The following GREB1 variants were observed in gnomAD, a reference collection of about 807,000 sequenced individuals.
GREB1 encodes the protein protein GREB1.
GREB1 carries 106 observed loss-of-function variants against 200.7 expected under a neutral mutation model. That is an observed-to-expected ratio of 0.53 (90% confidence interval 0.45 to 0.62). The LOEUF is 0.62. Ranked by LOEUF, GREB1 falls within the 20% of genes least tolerant of loss-of-function variation. The pLI is 0.00. For missense variants in GREB1, 2,243 were observed against 2,556.8 expected (o/e 0.88, Z 2.65); for synonymous variants, 1,132 against 1,092.4 (o/e 1.04, Z -0.72).
intron 1 of GREB1, among the ~76,000 whole-genome samples, chr2:11,544,775 A>T (rs894949293): frequency 5.9e-5 from 9 of 151,928 alleles, no homozygotes; most frequent in African/African-American, 1.7e-4. Context: ...CACGCAGGAG[A>T]TGGGTCTGCA....
chr2:11,507,605 TTCTA>T (rs1390877238), intron 1 of GREB1, among the ~76,000 whole-genome samples: 1 of 152,172 alleles, frequency 6.6e-6, no homozygotes, highest in Non-Finnish European at 1.5e-5. Flanking sequence ...GCCCTTGCAG[TTCTA>T]TCAAATGGGT....
intron 14 of GREB1, 62 bp from the exon 15 acceptor site, chr2:11,598,618 T>C (rs1388150782): frequency 5.5e-6 from 8 of 1,455,736 alleles, no homozygotes; most frequent in African/African-American, 1.4e-5. Context: ...CAGGTGTCTG[T>C]TGAGTGAATG....
At position 11,612,483 on chromosome 2, in the gene GREB1, C is replaced by T. The variant is rs959861392; in HGVS notation, c.3007-12C>T. 69 of 1,585,212 alleles carry T rather than the reference C, an allele frequency of 4.4e-5. No individual in the cohort carries two copies. In the East Asian group the frequency reaches 8.1e-4, roughly 19 times the overall value. On this transcript the variant is annotated splice_polypyrimidine_tract_variant and intron_variant, in intron 18 of 32. Coordinates refer to ENST00000381486, the MANE Select transcript of GREB1 (RefSeq NM_014668.4). Reference sequence around the variant, plus strand: ...GGCGTCTGTGGCTTTATTTCTTTTTCGTTATCTGCAGATGTGGCAGAAAAT... The same window carrying T: ...GGCGTCTGTGGCTTTATTTCTTTTTTGTTATCTGCAGATGTGGCAGAAAAT...
intron 2 of GREB1, chr2:11,561,650 C>G (rs1453864110): frequency 6.6e-6 from 1 of 152,180 alleles, no homozygotes; most frequent in African/African-American, 2.4e-5. Context: ...CAGGCTTGAG[C>G]CACCGTGCCT....
At chr2:11,602,276 C>A (rs1013183359) in intron 16 of GREB1, 130 bp from the exon 17 acceptor site, 1 of 714,860 alleles carries the variant, frequency 1.4e-6, no homozygotes, top group Non-Finnish European at 2.5e-6. Context: ...AAATGCCATC[C>A]AAGCCACTGC....
At chr2:11,501,912 T>TTTG (rs1673055019) in intron 1 of GREB1, among the ~76,000 whole-genome samples, 1 of 105,518 alleles carries the variant, frequency 9.5e-6, no homozygotes, top group African/African-American at 4.2e-5. Context: ...TTTGTTTTTT[T>TTTG]TTTTTTTTTT....
At chr2:11,499,084 C>T (rs1401928728) in intron 1 of GREB1, among the ~76,000 whole-genome samples, 1 of 152,118 alleles carries the variant, frequency 6.6e-6, no homozygotes, top group African/African-American at 2.4e-5. Context: ...CCCATAAACA[C>T]AGAATTATTA....
chr2:11,637,168 G>T (rs542956299), intron 30 of GREB1, among the ~76,000 whole-genome samples: 1 of 152,132 alleles, frequency 6.6e-6, no homozygotes, highest in South Asian at 2.1e-4. Context: ...AGGAAGGGGA[G>T]GAGGGTGGCG....
intron 17 of GREB1, among the ~76,000 whole-genome samples, chr2:11,607,458 GTGTATA>G (rs368054691): frequency 0.023 from 1,002 of 44,392 alleles, 9 homozygotes; most frequent in African/African-American, 0.044. Context: ...GTGTGTGTGT[GTGTATA>G]TATATATACA....
At chr2:11,546,935 A>G (rs1675332025) in intron 1 of GREB1, among the ~76,000 whole-genome samples, 1 of 146,130 alleles carries the variant, frequency 6.8e-6, no homozygotes, top group Admixed American at 7.1e-5. Flanking sequence ...ACATTCTGCT[A>G]GTTTAAACTT....
chr2:11,623,396 C>A (rs1175847046), intron 23 of GREB1, among the ~76,000 whole-genome samples: 3 of 152,182 alleles, frequency 2.0e-5, no homozygotes, highest in African/African-American at 4.8e-5. Flanking sequence ...AACTGTAGAA[C>A]AGCCTCGGGC....
chr2:11,483,889 ATAAACTTTTAT>A (rs570788417), intron 1 of GREB1, among the ~76,000 whole-genome samples: 2 of 152,340 alleles, frequency 1.3e-5, no homozygotes, highest in South Asian at 4.1e-4. Flanking sequence ...CTTTTCTTTA[ATAAACTTTTAT>A]TAGAGAGTTA....
intron 4 of GREB1, among the ~76,000 whole-genome samples, chr2:11,572,724 A>AG (rs1651333415): frequency 6.6e-6 from 1 of 151,352 alleles, no homozygotes; most frequent in East Asian, 1.9e-4. Flanking sequence ...ATGCTTGCAG[A>AG]GTGCCCCTGA....
In GREB1 at chr2:11,492,684, G is replaced by A. The variant is rs1265499321; in HGVS notation, c.-159+10303G>A. 6.6e-6 allele frequency among the ~76,000 whole-genome samples: 1 copy of A among 152,210 alleles called. No individual in the cohort carries two copies. The highest frequency in any genetic ancestry group is 1.5e-5 in the Non-Finnish European group (1 of 68,032). On this transcript the variant is annotated intron_variant, in intron 1 of 2. Transcript: ENST00000628795. The surrounding 1 kb of genome is among the most constrained non-coding windows in gnomAD (Gnocchi z 4.0). ...AGGGAAGAGAAAAGGGTAAAAGTTT[G>A]TTTTGAGGAAAACAGTCTTTCATCT...
At chr2:11,614,178 G>A (rs1683189240) in intron 19 of GREB1, among the ~76,000 whole-genome samples, 1 of 147,732 alleles carries the variant, frequency 6.8e-6, no homozygotes, top group East Asian at 2.0e-4. Flanking sequence ...CCAGGCTGGA[G>A]TGCAGTGGTG....
intron 22 of GREB1, among the ~76,000 whole-genome samples, chr2:11,619,688 G>A (rs779439894): frequency 1.9e-4 from 29 of 152,066 alleles, no homozygotes; most frequent in Non-Finnish European, 2.8e-4. Context: ...TTTACTGGTC[G>A]TTGATACTTC....
Position 11,632,939 on chromosome 2 carries a change from G to C in GREB1, c.4867G>C (p.Glu1623Gln), listed in dbSNP as rs368641146. Residue 1623 changes from glutamate to glutamine, a missense_variant, in exon 28 of 33, where the codon GAG (glutamate) becomes CAG (glutamine). Glu to Gln is a conservative substitution (Grantham distance 29). This residue lies in a region of GREB1 where 478 missense variants were observed against 616.3 expected (regional missense o/e 0.78). Coordinates refer to ENST00000381486, the MANE Select transcript of GREB1 (RefSeq NM_014668.4). ...KELSYHNLEL[E>Q]RNRQEELGIK... ...GCTGTCCTACCATAACCTGGAGCTCGAGCGGAACCGGCAGGAGGAGCTGGG... is the reference window on the plus strand; with the variant it reads ...GCTGTCCTACCATAACCTGGAGCTCCAGCGGAACCGGCAGGAGGAGCTGGG... 12 of 1,614,010 alleles carry C rather than the reference G, an allele frequency of 7.4e-6. No individual in the cohort carries two copies. Among genetic ancestry groups the C allele is most frequent in the Non-Finnish European group, 8.5e-6 (10 of 1,180,026 alleles).
intron 1 of GREB1, among the ~76,000 whole-genome samples, chr2:11,518,303 G>A (rs1438603165): frequency 6.6e-6 from 1 of 152,162 alleles, no homozygotes; most frequent in African/African-American, 2.4e-5. Flanking sequence ...TTCGTGTATA[G>A]GAGAAAGTAG....
intron 1 of GREB1, among the ~76,000 whole-genome samples, chr2:11,555,311 A>G (rs1676325323): frequency 6.6e-6 from 1 of 152,202 alleles, no homozygotes; most frequent in African/African-American, 2.4e-5. Flanking sequence ...AACCCTATGT[A>G]TGATCAGGGA....
Sources: gnomAD v4.1 joint callset for allele counts (sites outside exome capture counted in the v4.1 genomes callset) on GRCh38, gnomAD v4.1.1 for gene constraint, gnomAD v4.1.1 regional missense constraint, Gnocchi (gnomAD v3.1) non-coding constraint, MANE v1.5 for transcripts, NCBI Gene and HGNC (gene_info 2026-07-23, HGNC 2026-07-21) for gene names.